Variants in LNX1 observed in about 807,000 individuals in gnomAD.
The protein encoded by LNX1 is ligand of numb-protein X 1, also known as E3 ubiquitin-protein ligase LNX.
In LNX1, 54 loss-of-function variants were observed where a neutral mutation model predicts 68.4. The observed-to-expected ratio is 0.79, with a 90% CI of 0.63 to 0.99. LNX1 has a LOEUF of 0.99. Ranked by LOEUF, LNX1 falls within the 50% of genes least tolerant of loss-of-function variation. The pLI is 0.00. For missense variants in LNX1, 906 were observed against 926.4 expected, an observed-to-expected ratio of 0.98 and a Z score of 0.29; for synonymous variants, 336 against 350.0, an observed-to-expected ratio of 0.96 and a Z score of 0.45.
intron 4 of LNX1, among the ~76,000 whole-genome samples, chr4:53,504,547 A>G (rs1350129840): frequency 2.0e-5 from 3 of 152,400 alleles, no homozygotes; most frequent in South Asian, 2.1e-4. Context: ...GTTCACTGGA[A>G]GTAGCACTTT....
At chr4:53,563,723 C>T (rs112575086) in intron 2 of LNX1, among the ~76,000 whole-genome samples, 13,028 of 152,046 alleles carry the variant, frequency 0.086, 630 homozygotes, top group Non-Finnish European at 0.12. Context: ...TTGGTAGAGA[C>T]GGGGTTTCAC....
At chr4:53,510,434 T>A (rs1022517854) in intron 2 of LNX1, among the ~76,000 whole-genome samples, 18 of 152,250 alleles carry the variant, frequency 1.2e-4, no homozygotes, top group African/African-American at 4.3e-4. Flanking sequence ...CCTCATCTTC[T>A]AGATGAGAAA....
At chr4:53,557,189 G>T (rs1234802631) in intron 2 of LNX1, among the ~76,000 whole-genome samples, 2 of 152,168 alleles carry the variant, frequency 1.3e-5, no homozygotes, top group Non-Finnish European at 1.5e-5. Flanking sequence ...GTAGGAAATT[G>T]TCTTTATTTT....
At chr4:53,647,436 G>A (rs1348647268) in intron 1 of LNX1, among the ~76,000 whole-genome samples, 2 of 151,940 alleles carry the variant, frequency 1.3e-5, no homozygotes, top group African/African-American at 4.8e-5. Flanking sequence ...AGTTCTTTGT[G>A]ATTTAACAAT....
Position 53,635,521 on chromosome 4 carries a change from A to G in LNX1, c.-215+16647T>C, listed in dbSNP as rs148555304. On this transcript the variant is annotated intron_variant, in intron 1 of 2. Coordinates refer to the LNX1 transcript ENST00000507168. ...TAGAATGAGTCCATTTGGTATTAAT[A>G]TATTGCAATTATTTTAATATTATTA... Among the ~76,000 whole-genome samples, 226 of 152,274 alleles carry G rather than the reference A, an allele frequency of 1.5e-3. 5 individuals are homozygous for G. The East Asian group carries it at 0.031, about 21-fold the overall frequency.
At chr4:53,583,430 C>T (rs1319230955) in intron 1 of LNX1, among the ~76,000 whole-genome samples, 7 of 152,226 alleles carry the variant, frequency 4.6e-5, no homozygotes, top group Admixed American at 1.3e-4. Flanking sequence ...CCGCCAAGGT[C>T]GTGGTTAGCT....
rs199574435 is a variant in LNX1 at position 53,478,741 on chromosome 4, G to T, written c.1487C>A (p.Pro496His). The T allele has an allele frequency of 9.7e-5, 157 of 1,611,956 alleles. No homozygotes were observed. The highest frequency in any genetic ancestry group is 8.3e-4 in the Middle Eastern group (5 of 6,042). Residue 496 changes from proline (P) to histidine (H), a missense_variant and splice_region_variant, in exon 8 of 11, where the codon CCC becomes CAC. Coordinates refer to ENST00000263925, the MANE Select transcript of LNX1 (RefSeq NM_001126328.3). ...GPGERSNTPK[P>H]LHPTITCHEK... ...ATGACAAGTAATTGTAGGATGGAGG[G>T]GCTGAAGGCACAGATGGAAAAACAT...
At chr4:53,567,945 G>A (rs1730822702) in intron 2 of LNX1, among the ~76,000 whole-genome samples, 1 of 151,984 alleles carries the variant, frequency 6.6e-6, no homozygotes, top group Non-Finnish European at 1.5e-5. Context: ...GACTAAACCA[G>A]GAAGAAGTTG....
intron 1 of LNX1, among the ~76,000 whole-genome samples, chr4:53,650,063 T>C (rs1449468466): frequency 6.6e-6 from 1 of 152,116 alleles, no homozygotes; most frequent in Non-Finnish European, 1.5e-5. Context: ...CCCACATCCA[T>C]ATAGATGAGC....
At chr4:53,537,571 A>G (rs962940705) in intron 2 of LNX1, among the ~76,000 whole-genome samples, 1 of 152,114 alleles carries the variant, frequency 6.6e-6, no homozygotes, top group Non-Finnish European at 1.5e-5. Flanking sequence ...GTATTTTCTC[A>G]CTCTTTCCAT....
At chr4:53,524,821 A>G (rs1283214922) in intron 2 of LNX1, among the ~76,000 whole-genome samples, 1 of 152,230 alleles carries the variant, frequency 6.6e-6, no homozygotes, top group Non-Finnish European at 1.5e-5. Flanking sequence ...GAGGCATGCT[A>G]GCAGGAGATG....
intron 2 of LNX1, among the ~76,000 whole-genome samples, chr4:53,571,272 C>T (rs1353168248): frequency 1.3e-5 from 2 of 151,702 alleles, no homozygotes; most frequent in Non-Finnish European, 2.9e-5. Context: ...TGCCTGCCTC[C>T]GCCTCCCAAG....
At chr4:53,496,619 C>G (rs1418889795) in intron 5 of LNX1, 1 of 499,272 alleles carries the variant, frequency 2.0e-6, no homozygotes, top group Non-Finnish European at 3.5e-6. Flanking sequence ...CACCATCTTT[C>G]TCCACCTTGT....
intron 2 of LNX1, among the ~76,000 whole-genome samples, chr4:53,521,814 T>G (rs761083062): frequency 3.9e-5 from 6 of 152,146 alleles, no homozygotes; most frequent in Non-Finnish European, 8.8e-5. Flanking sequence ...TACTCTTTGG[T>G]TACTGCTCTG....
At chr4:53,583,974 C>CAAT (rs201064242) in intron 1 of LNX1, among the ~76,000 whole-genome samples, 1 of 143,062 alleles carries the variant, frequency 7.0e-6, no homozygotes, top group African/African-American at 2.5e-5. Context: ...ACAACAACAA[C>CAAT]GACAAATGAA....
chr4:53,618,591 C>T (rs545312391), upstream of LNX1, among the ~76,000 whole-genome samples: 48 of 152,258 alleles, frequency 3.2e-4, no homozygotes, highest in African/African-American at 1.1e-3. Context: ...CTCACTAACC[C>T]TCGGATGTGC....
At chr4:53,535,192 T>G (rs1261668676) in intron 2 of LNX1, among the ~76,000 whole-genome samples, 18 of 152,218 alleles carry the variant, frequency 1.2e-4, no homozygotes, top group African/African-American at 4.3e-4. Context: ...CTCACCAATA[T>G]TGCTGTTTCC....
chr4:53,579,180 A>C, intron 1 of LNX1: 61 of 721,868 alleles, frequency 8.5e-5, no homozygotes, highest in Middle Eastern at 7.2e-4. Flanking sequence ...GTAAGTAGAC[A>C]GAGCTGTGAT....
At chr4:53,579,062 A>T (rs1305467005) in intron 1 of LNX1, among the ~76,000 whole-genome samples, 2 of 152,198 alleles carry the variant, frequency 1.3e-5, no homozygotes, top group East Asian at 3.9e-4. Flanking sequence ...AAGCCTGAAA[A>T]GGTAAGCTAG....
Sources: gnomAD v4.1 joint callset for allele counts (sites outside exome capture counted in the v4.1 genomes callset) on GRCh38, gnomAD v4.1.1 for gene constraint, MANE v1.5 for transcripts, NCBI Gene and HGNC (gene_info 2026-07-23, HGNC 2026-07-21) for gene names.